LRRC74A: variants seen among roughly 807,000 people sequenced by gnomAD.
The protein encoded by LRRC74A is leucine-rich repeat-containing protein 74A.
A neutral mutation model predicts 57.9 loss-of-function variants in LRRC74A; 44 were observed. The observed-to-expected ratio is 0.76, with a 90% confidence interval of 0.60 to 0.98. The LOEUF (loss-of-function observed/expected upper bound fraction) is 0.98, where lower values mean the gene tolerates loss of function less well. Ranked by LOEUF, LRRC74A falls within the 50% of genes least tolerant of loss-of-function variation. The probability of loss-of-function intolerance (pLI) is 0.00; values close to 1 mark genes in which losing one functional copy is unlikely to be tolerated. For synonymous variants in LRRC74A, 211 were observed against 219.4 expected (o/e 0.96, Z 0.34); for missense variants, 572 against 574.0 (o/e 1.00, Z 0.04).
chr14:76,837,645 C>A (rs922428965), intron 4 of LRRC74A, among the ~76,000 whole-genome samples: 2 of 152,098 alleles, frequency 1.3e-5, no homozygotes, highest in African/African-American at 2.4e-5. Flanking sequence ...AAAACTGAGA[C>A]CAGCTAGCCC....
intron 11 of LRRC74A, among the ~76,000 whole-genome samples, chr14:76,861,392 C>A (rs1898295362): frequency 6.6e-6 from 1 of 152,200 alleles, no homozygotes; most frequent in South Asian, 2.1e-4. Context: ...CACTTCAGTC[C>A]TTTGTTTCTA....
chr14:76,862,955 G>A (rs7151713), intron 11 of LRRC74A, among the ~76,000 whole-genome samples: 12,330 of 152,122 alleles, frequency 0.081, 875 homozygotes, highest in African/African-American at 0.19. Context: ...GATGTGATGC[G>A]AATCCAGCAG....
chr14:76,837,814 T>G (rs539230484), intron 4 of LRRC74A, 61 bp from the exon 5 acceptor site: 2 of 1,002,588 alleles, frequency 2.0e-6, no homozygotes, highest in African/African-American at 3.2e-5. Flanking sequence ...AAGACATCAT[T>G]TTTTCATGAG....
rs114568933 is a variant in LRRC74A, at chr14:76,848,616, G to A, written c.676+3715G>A. Among the ~76,000 whole-genome samples, 333 of 152,276 alleles carry A rather than the reference G, an allele frequency of 2.2e-3. 2 individuals are homozygous for A. Among genetic ancestry groups the A allele is most frequent in the African/African-American group, 7.6e-3 (315 of 41,560 alleles). ...ATGCAAAGCAAAAAGAACACTATAC[G>A]CAACCACAGAAGTTCTGCTGGGAAG... On this transcript the variant is annotated intron_variant, in intron 7 of 13. Transcript: ENST00000689127.
At chr14:76,864,435 A>AGG (rs1898599231) in intron 11 of LRRC74A, among the ~76,000 whole-genome samples, 4 of 1,552 alleles carry the variant, frequency 2.6e-3, no homozygotes, top group Non-Finnish European at 4.0e-3. Flanking sequence ...GGCGGGGGGA[A>AGG]GGGGGGTGGC....
chr14:76,837,136 TG>T (rs1274730174), intron 4 of LRRC74A, among the ~76,000 whole-genome samples: 10 of 152,084 alleles, frequency 6.6e-5, no homozygotes, highest in African/African-American at 2.2e-4. Flanking sequence ...AGTGAGACTC[TG>T]TTTCAAAAAA....
chr14:76,841,155 C>A (rs1054664826), intron 5 of LRRC74A, among the ~76,000 whole-genome samples: 1 of 152,196 alleles, frequency 6.6e-6, no homozygotes, highest in Non-Finnish European at 1.5e-5. Context: ...GATTCTCCTG[C>A]CTCAGCCTCC....
intron 8 of LRRC74A, 80 bp from the exon 9 acceptor site, chr14:76,853,136 G>A: frequency 2.2e-6 from 3 of 1,349,712 alleles, no homozygotes; most frequent in African/African-American, 2.9e-5. Context: ...ATGCCAACAG[G>A]GGGTAGAAAT....
chr14:76,828,173 C>T (rs1595334482), intron 1 of LRRC74A, 118 bp from the exon 2 acceptor site: 2 of 1,351,342 alleles, frequency 1.5e-6, no homozygotes, highest in East Asian at 2.4e-5. Context: ...GGCTTGGCAC[C>T]TTGAGGACCT....
intron 2 of LRRC74A, among the ~76,000 whole-genome samples, chr14:76,829,831 G>T (rs1040753324): frequency 1.3e-5 from 2 of 152,194 alleles, no homozygotes; most frequent in African/African-American, 2.4e-5. Context: ...GGCAGGGAGG[G>T]CATGGGAAAT....
intron 10 of LRRC74A, among the ~76,000 whole-genome samples, chr14:76,859,660 G>GA (rs1898151003): frequency 1.6e-5 from 2 of 127,294 alleles, no homozygotes; most frequent in Non-Finnish European, 3.3e-5. Flanking sequence ...GTCTGAATTA[G>GA]CCTTTTTTTT....
chr14:76,837,556 C>A (rs972450921), intron 4 of LRRC74A, among the ~76,000 whole-genome samples: 3 of 152,100 alleles, frequency 2.0e-5, no homozygotes, highest in African/African-American at 7.2e-5. Flanking sequence ...GGTTTTAATA[C>A]AAAGAAACAA....
At chr14:76,840,815 C>A (rs975048633) in intron 5 of LRRC74A, among the ~76,000 whole-genome samples, 1 of 152,006 alleles carries the variant, frequency 6.6e-6, no homozygotes, top group Non-Finnish European at 1.5e-5. Flanking sequence ...GATCTCCTGA[C>A]CTCGTGATCC....
At chr14:76,836,336 G>T in intron 4 of LRRC74A, 22 bp downstream of exon 4, 5 of 1,533,440 alleles carry the variant, frequency 3.3e-6, no homozygotes, top group Middle Eastern at 1.7e-4. Context: ...CCCTGTGCTG[G>T]CTCTTACCAT....
intron 7 of LRRC74A, among the ~76,000 whole-genome samples, chr14:76,849,177 A>T (rs1263838733): frequency 6.6e-6 from 1 of 152,068 alleles, no homozygotes; most frequent in Non-Finnish European, 1.5e-5. Context: ...TTTGAGGCGG[A>T]GTCTCGCTCT....
intron 13 of LRRC74A, 88 bp from the exon 14 acceptor site, chr14:76,870,037 T>C: frequency 6.9e-7 from 1 of 1,452,558 alleles, no homozygotes; most frequent in Non-Finnish European, 9.5e-7. Flanking sequence ...AATGGTCTCC[T>C]TTGGATTTAA....
At chr14:76,861,021 C>T (rs1898263259) in intron 11 of LRRC74A, among the ~76,000 whole-genome samples, 182 bp downstream of exon 11, 1 of 152,216 alleles carries the variant, frequency 6.6e-6, no homozygotes, top group Admixed American at 6.5e-5. Context: ...TACCAGATCC[C>T]TCAGCAGTGC....
chr14:76,843,188 CAGG>C lies in LRRC74A; in HGVS notation c.545-1232_545-1230del, dbSNP rs1896887770. On this transcript the variant is annotated intron_variant, in intron 5 of 13. Transcript: ENST00000689127. ...ATCCCAGTTACTCAGGAGGCTGAGG[CAGG>C]AGAATTGCTTGAACCCAGGAGATGG... is the stretch of plus-strand genomic sequence containing the variant. 3.3e-5 allele frequency among the ~76,000 whole-genome samples: 5 copies of C among 150,570 alleles called. No individual in the cohort carries two copies. In the South Asian group the frequency reaches 1.0e-3, roughly 31 times the overall value.
chr14:76,868,487 A>C (rs1021967690), intron 13 of LRRC74A, among the ~76,000 whole-genome samples: 2 of 152,164 alleles, frequency 1.3e-5, no homozygotes, highest in African/African-American at 2.4e-5. Context: ...AAAAGAAAAG[A>C]AAAGCAGCCA....
Sources: allele counts gnomAD v4.1 joint callset (sites outside exome capture counted in the v4.1 genomes callset), GRCh38; gene constraint gnomAD v4.1.1; transcripts MANE v1.5; gene names NCBI Gene and HGNC (gene_info 2026-07-23, HGNC 2026-07-21).